VPS41: variants seen among roughly 807,000 people sequenced by gnomAD.
The protein encoded by VPS41 is vacuolar protein sorting-associated protein 41 homolog.
Under a neutral mutation model 130.9 loss-of-function variants are expected in VPS41, and 85 were observed. The observed-to-expected ratio is 0.65, with a 90% CI of 0.55 to 0.78. The LOEUF is 0.78. Among genes scored for constraint, VPS41 ranks in the 30% least tolerant of loss-of-function variants. The pLI, the probability that VPS41 is intolerant of heterozygous loss-of-function variation, is 0.00. For missense variants in VPS41, 874 were observed against 1,018.7 expected (o/e 0.86, Z 1.93); for synonymous variants, 335 against 332.9 (o/e 1.01, Z -0.07).
At chr7:38,797,002 A>G (rs1784634473) in intron 7 of VPS41, 138 bp from the exon 8 acceptor site, 1 of 932,810 alleles carries the variant, frequency 1.1e-6, no homozygotes, top group Non-Finnish European at 1.6e-6. Context: ...GACTTACAGT[A>G]GTATGTTATT....
At chr7:38,728,035 C>A (rs1354128152) in intron 27 of VPS41, among the ~76,000 whole-genome samples, 1 of 152,086 alleles carries the variant, frequency 6.6e-6, no homozygotes, top group Non-Finnish European at 1.5e-5. Flanking sequence ...GCATGTAGAA[C>A]CATATATCAG....
intron 1 of VPS41, among the ~76,000 whole-genome samples, chr7:38,902,042 G>A (rs1787157306): frequency 6.6e-6 from 1 of 152,158 alleles, no homozygotes; most frequent in Admixed American, 6.5e-5. Context: ...GTTAAACTCA[G>A]AAACATTTCA....
Position 38,742,011 on chromosome 7 carries a change from T to A in VPS41, c.2233A>T (p.Lys745Ter). The A allele has an allele frequency of 6.2e-7, 1 of 1,613,172 alleles. No individual in the cohort carries two copies. The highest frequency in any genetic ancestry group is 1.7e-4 in the Middle Eastern group (1 of 6,054). The change falls in exon 25 of 29, where the codon AAA becomes TAA. Residue 745 changes from lysine (K) to a stop codon, truncating the protein, a stop_gained. Transcript: ENST00000310301. LOFTEE classifies it high-confidence loss of function. ...TGCAAATTGTAGTCTTGCAGAATTTTAACCAAGGAATCTCTCAAATTGGGG... is the reference window on the plus strand; with the variant it reads ...TGCAAATTGTAGTCTTGCAGAATTTAAACCAAGGAATCTCTCAAATTGGGG... ...EIPNLRDSLV[K>*]ILQDYNLQIL... is the part of the protein sequence containing the mutation.
At chr7:38,756,424 C>A (rs536765338) in intron 19 of VPS41, among the ~76,000 whole-genome samples, 1 of 152,226 alleles carries the variant, frequency 6.6e-6, no homozygotes, top group South Asian at 2.1e-4. Context: ...GATACGTGAA[C>A]ACCAAGAAAT....
At chr7:38,729,609 C>T (rs1471194699) in intron 25 of VPS41, among the ~76,000 whole-genome samples, 1 of 152,186 alleles carries the variant, frequency 6.6e-6, no homozygotes, top group East Asian at 1.9e-4. Flanking sequence ...TATTTCCTCC[C>T]TTCCTGCCTG....
chr7:38,841,508 T>G (rs1161219938), intron 4 of VPS41, among the ~76,000 whole-genome samples: 4 of 152,228 alleles, frequency 2.6e-5, no homozygotes, highest in Admixed American at 2.0e-4. Flanking sequence ...AGTCAGTGGA[T>G]GCCCTTCAGT....
chr7:38,889,468 G>A lies in VPS41; in HGVS notation c.60+8623C>T, dbSNP rs117881704. ...CTCATTTGAAATGATAGAAGCCAGA[G>A]GGAAGTGGCACAATATATCTTATGT... On this transcript the variant is annotated intron_variant, in intron 2 of 28. Transcript: ENST00000310301. Among the ~76,000 whole-genome samples the A allele has an allele frequency of 7.3e-4, 110 of 151,446 alleles. No individual in the cohort carries two copies. In the East Asian group the frequency reaches 0.019, roughly 26 times the overall value.
chr7:38,783,981 C>T (rs967184965), intron 10 of VPS41, among the ~76,000 whole-genome samples: 3 of 152,130 alleles, frequency 2.0e-5, no homozygotes, highest in African/African-American at 4.8e-5. Flanking sequence ...TCAATCTCCT[C>T]GGAATCATTC....
chr7:38,888,853 G>C (rs1786791050), intron 2 of VPS41, among the ~76,000 whole-genome samples: 1 of 150,574 alleles, frequency 6.6e-6, no homozygotes. Flanking sequence ...AATCAAATTA[G>C]AACTCAGGAT....
At chr7:38,746,426 CAAA>C (rs1262570235) in intron 22 of VPS41, among the ~76,000 whole-genome samples, 1 of 151,906 alleles carries the variant, frequency 6.6e-6, no homozygotes, top group Non-Finnish European at 1.5e-5. Context: ...AAGAGGAAAA[CAAA>C]GAAGAGAATA....
intron 25 of VPS41, among the ~76,000 whole-genome samples, chr7:38,735,156 G>C (rs1477320187): frequency 1.3e-5 from 2 of 152,124 alleles, no homozygotes; most frequent in Non-Finnish European, 2.9e-5. Flanking sequence ...GCTGTGATAA[G>C]GCAAAACTGA....
Position 38,798,726 on chromosome 7 carries a change from G to A in VPS41, c.451-1862C>T, listed in dbSNP as rs184897634. On this transcript the variant is annotated intron_variant, in intron 7 of 28. Coordinates refer to ENST00000310301, the MANE Select transcript of VPS41 (RefSeq NM_014396.4). ...CAATAATCACCTGCTGGAATGAAGG[G>A]TTGGCAGGATGGCCGGGAGAACAGC... Among the ~76,000 whole-genome samples the A allele has an allele frequency of 2.9e-3, 448 of 152,262 alleles. 2 individuals are homozygous for A. Among genetic ancestry groups the A allele is most frequent in the African/African-American group, 1.0e-2 (415 of 41,534 alleles).
At chr7:38,745,333 GAT>G (rs1194243303) in intron 23 of VPS41, among the ~76,000 whole-genome samples, 1 of 152,108 alleles carries the variant, frequency 6.6e-6, no homozygotes, top group Non-Finnish European at 1.5e-5. Flanking sequence ...GATAAATTTT[GAT>G]ATGTTGATTA....
At chr7:38,798,740 C>T (rs911655764) in intron 7 of VPS41, among the ~76,000 whole-genome samples, 22 of 152,028 alleles carry the variant, frequency 1.4e-4, no homozygotes, top group African/African-American at 5.3e-4. Flanking sequence ...GCAGGATGGC[C>T]GGGAGAACAG....
intron 25 of VPS41, among the ~76,000 whole-genome samples, chr7:38,738,552 C>G (rs1212348941): frequency 6.6e-6 from 1 of 152,044 alleles, no homozygotes; most frequent in Non-Finnish European, 1.5e-5. Context: ...CAACTACATG[C>G]TAAATTTATA....
intron 25 of VPS41, among the ~76,000 whole-genome samples, chr7:38,736,622 G>C (rs1261108005): frequency 6.6e-6 from 1 of 152,224 alleles, no homozygotes; most frequent in East Asian, 1.9e-4. Context: ...AATGGGCCCA[G>C]CAGTGAGAGA....
At chr7:38,901,884 T>C (rs1787153394) in intron 1 of VPS41, among the ~76,000 whole-genome samples, 1 of 152,146 alleles carries the variant, frequency 6.6e-6, no homozygotes, top group Non-Finnish European at 1.5e-5. Context: ...AAAAATGTTT[T>C]CAACTTTTTT....
intron 21 of VPS41, among the ~76,000 whole-genome samples, chr7:38,753,930 G>C (rs1024671810): frequency 6.6e-6 from 1 of 152,156 alleles, no homozygotes; most frequent in Non-Finnish European, 1.5e-5. Flanking sequence ...GGTGCAATGA[G>C]ATGGGCAAAG....
rs1426630736 is a variant in VPS41 at position 38,725,627 on chromosome 7, C to A, written c.*619G>T. ...CCATGGCCAGATACTCTTTGACAGTCGTCACAGCACACAGAACATGTGATT... is the reference window on the plus strand; with the variant it reads ...CCATGGCCAGATACTCTTTGACAGTAGTCACAGCACACAGAACATGTGATT... On this transcript the variant is annotated 3_prime_UTR_variant, in exon 29 of 29. Transcript: ENST00000310301. 6.6e-6 allele frequency: 1 copy of A among 152,264 alleles called. No individual in the cohort carries two copies. The highest frequency in any genetic ancestry group is 6.5e-5 in the Admixed American group (1 of 15,292). 9.4% of individuals were successfully genotyped at this position (152,264 alleles called of 1,614,324 possible). A position where few individuals can be genotyped will look rare whatever the true frequency, so the allele number is the denominator to read the frequency against.
Sources: allele counts gnomAD v4.1 joint callset (sites outside exome capture counted in the v4.1 genomes callset), GRCh38; gene constraint gnomAD v4.1.1; transcripts MANE v1.5; gene names NCBI Gene and HGNC (gene_info 2026-07-23, HGNC 2026-07-21).